Variants in RAB38 observed in about 807,000 individuals in gnomAD.
The protein encoded by RAB38 is ras-related protein Rab-38.
RAB38 carries 15 observed loss-of-function variants against 18.4 expected under a neutral mutation model. The ratio of observed to expected loss-of-function variants is 0.82; its 90% CI spans 0.55 to 1.26. The LOEUF (loss-of-function observed/expected upper bound fraction) is 1.26. Among genes scored for constraint, RAB38 ranks in the 50% most tolerant of loss-of-function variants. The pLI, the probability that RAB38 is intolerant of heterozygous loss-of-function variation, is 0.00. For synonymous variants in RAB38, 101 were observed against 104.4 expected (o/e 0.97, Z 0.20); for missense variants, 294 against 267.4 (o/e 1.10, Z -0.69).
At chr11:88,030,892 T>A in the RAB38 span, among the ~76,000 whole-genome samples, 1 of 151,760 alleles carries the variant, frequency 6.6e-6, no homozygotes, top group East Asian at 1.9e-4. Context: ...GCCAGCATCA[T>A]CCTGATACCA....
At chr11:87,817,517 A>C in the RAB38 span, 1 of 152,192 alleles carries the variant, frequency 6.6e-6, no homozygotes, top group African/African-American at 2.4e-5. Flanking sequence ...ATACATTCTT[A>C]TGAGCTTGCT....
chr11:88,151,112 T>C (rs1420760819), intron 1 of RAB38, among the ~76,000 whole-genome samples: 1 of 152,228 alleles, frequency 6.6e-6, no homozygotes, highest in East Asian at 1.9e-4. Context: ...ATGCTTAACG[T>C]TCTGATTGAA....
At chr11:87,844,696 A>C in the RAB38 span, among the ~76,000 whole-genome samples, 1 of 152,212 alleles carries the variant, frequency 6.6e-6, no homozygotes, top group Non-Finnish European at 1.5e-5. Flanking sequence ...ATAATGACTA[A>C]TTTATAACCA....
At chr11:87,923,972 A>AC in the RAB38 span, among the ~76,000 whole-genome samples, 1 of 151,812 alleles carries the variant, frequency 6.6e-6, no homozygotes, top group African/African-American at 2.4e-5. Context: ...AAAAAAAAAA[A>AC]AACACATTTC....
the RAB38 span, among the ~76,000 whole-genome samples, chr11:87,971,031 TA>T: frequency 8.5e-5 from 13 of 152,164 alleles, no homozygotes; most frequent in African/African-American, 2.9e-4. Flanking sequence ...AGATGGGTAC[TA>T]AAAAGGCTCA....
the RAB38 span, among the ~76,000 whole-genome samples, chr11:87,943,039 G>A: frequency 6.9e-4 from 105 of 152,180 alleles, 2 homozygotes; most frequent in Admixed American, 6.9e-3. Context: ...TAAGCCAAAA[G>A]AAAGTCGTAA....
chr11:88,060,899 A>T, the RAB38 span, among the ~76,000 whole-genome samples: 1 of 152,238 alleles, frequency 6.6e-6, no homozygotes, highest in South Asian at 2.1e-4. Context: ...GTGATATGTT[A>T]GGAACTGTGG....
chr11:88,033,261 A>G, the RAB38 span, among the ~76,000 whole-genome samples: 1 of 152,030 alleles, frequency 6.6e-6, no homozygotes, highest in Non-Finnish European at 1.5e-5. Flanking sequence ...TAGCATTGGG[A>G]GATATACCTA....
chr11:88,113,886 A>G lies in RAB38; in HGVS notation c.*102T>C. The G allele has an allele frequency of 7.2e-7, 1 of 1,384,132 alleles. No homozygotes were observed. The highest frequency in any genetic ancestry group is 1.0e-6 in the Non-Finnish European group (1 of 995,038). The allele number at this position is 1,384,132 out of a possible 1,614,324, so 85.7% of individuals were successfully genotyped here. ...GAGGCATAGATCTTTGGCTTGCCACATGTGGTATCTCTATCCTGACGTTTA... is the reference window on the plus strand; with the variant it reads ...GAGGCATAGATCTTTGGCTTGCCACGTGTGGTATCTCTATCCTGACGTTTA... On this transcript the variant is annotated 3_prime_UTR_variant, in exon 3 of 3. Coordinates refer to ENST00000243662, the MANE Select transcript of RAB38 (RefSeq NM_022337.3).
the RAB38 span, among the ~76,000 whole-genome samples, chr11:88,101,536 A>G: frequency 6.6e-6 from 1 of 151,934 alleles, no homozygotes; most frequent in Non-Finnish European, 1.5e-5. Flanking sequence ...AGGTCCCAAG[A>G]CATCATGTTA....
chr11:87,834,904 A>G, the RAB38 span, among the ~76,000 whole-genome samples: 1 of 152,164 alleles, frequency 6.6e-6, no homozygotes, highest in Admixed American at 6.5e-5. Context: ...TATGATTTCA[A>G]ATTTATGAGG....
At chr11:87,901,588 G>C in the RAB38 span, among the ~76,000 whole-genome samples, 1 of 151,578 alleles carries the variant, frequency 6.6e-6, no homozygotes, top group East Asian at 2.0e-4. Context: ...AACCCTAACT[G>C]AACAGTAGTA....
At chr11:87,835,297 A>G in the RAB38 span, among the ~76,000 whole-genome samples, 13 of 152,218 alleles carry the variant, frequency 8.5e-5, no homozygotes, top group East Asian at 1.5e-3. Context: ...TGTGGTGGGT[A>G]CTGTCACCAC....
the RAB38 span, among the ~76,000 whole-genome samples, chr11:87,856,083 G>A: frequency 6.6e-6 from 1 of 152,154 alleles, no homozygotes; most frequent in Non-Finnish European, 1.5e-5. Flanking sequence ...ACATGTTGTG[G>A]TAAGGGATCA....
At chr11:87,825,151 C>A in the RAB38 span, among the ~76,000 whole-genome samples, 1 of 152,096 alleles carries the variant, frequency 6.6e-6, no homozygotes, top group South Asian at 2.1e-4. Context: ...TACATCTAGT[C>A]ATTCAGTTAA....
the RAB38 span, among the ~76,000 whole-genome samples, chr11:87,823,628 G>C: frequency 6.6e-6 from 1 of 152,070 alleles, no homozygotes; most frequent in Middle Eastern, 3.2e-3. Context: ...ATTGATTTTT[G>C]ACAAAGTTGC....
chr11:88,133,228 T>C (rs918377330), intron 2 of RAB38, among the ~76,000 whole-genome samples: 17 of 152,272 alleles, frequency 1.1e-4, no homozygotes, highest in African/African-American at 3.6e-4. Context: ...GAGTTCTTAA[T>C]AAACAAGTCT....
chr11:88,062,420 C>T, the RAB38 span, among the ~76,000 whole-genome samples: 3 of 152,146 alleles, frequency 2.0e-5, no homozygotes, highest in African/African-American at 7.2e-5. Flanking sequence ...TCAATTAAAC[C>T]TCTTTTCTTT....
At chr11:87,825,500 T>A in the RAB38 span, among the ~76,000 whole-genome samples, 1 of 152,130 alleles carries the variant, frequency 6.6e-6, no homozygotes, top group Non-Finnish European at 1.5e-5. Flanking sequence ...TGGTGTCTGC[T>A]TGTATGTGGT....
Sources: gnomAD v4.1 joint callset for allele counts (sites outside exome capture counted in the v4.1 genomes callset) on GRCh38, gnomAD v4.1.1 for gene constraint, MANE v1.5 for transcripts, NCBI Gene and HGNC (gene_info 2026-07-23, HGNC 2026-07-21) for gene names.